Variants in MAGI1 observed in about 807,000 individuals in gnomAD.
MAGI1 encodes the protein membrane-associated guanylate kinase, WW and PDZ domain-containing protein 1.
A neutral mutation model predicts 139.9 loss-of-function variants in MAGI1; 58 were observed. The observed-to-expected ratio is 0.41, with a 90% CI of 0.34 to 0.52. The LOEUF is 0.52. Among genes scored for constraint, MAGI1 ranks in the 20% least tolerant of loss-of-function variants. The pLI, the probability that MAGI1 is intolerant of heterozygous loss-of-function variation, is 0.12. For missense variants in MAGI1, 1,874 were observed against 1,901.6 expected (o/e 0.99, Z 0.27); for synonymous variants, 812 against 737.9 (o/e 1.10, Z -1.63).
intron 1 of MAGI1, among the ~76,000 whole-genome samples, chr3:65,755,449 A>G (rs2107844250): frequency 6.6e-6 from 1 of 152,212 alleles, no homozygotes; most frequent in South Asian, 2.1e-4. Flanking sequence ...AGCATGTGAA[A>G]GTGTATCTGA....
chr3:66,025,984 G>A (rs773118797), intron 1 of MAGI1, among the ~76,000 whole-genome samples: 9 of 151,288 alleles, frequency 5.9e-5, no homozygotes, highest in Non-Finnish European at 1.0e-4. Context: ...AGATGCCTAC[G>A]CTTTTTATAA....
At chr3:65,426,947 G>A (rs901810340) in intron 12 of MAGI1, among the ~76,000 whole-genome samples, 1 of 152,174 alleles carries the variant, frequency 6.6e-6, no homozygotes, top group African/African-American at 2.4e-5. Flanking sequence ...TCATATAAAT[G>A]TTATAAAATG....
chr3:65,958,130 C>T (rs2064228806), intron 1 of MAGI1, among the ~76,000 whole-genome samples: 1 of 152,128 alleles, frequency 6.6e-6, no homozygotes, highest in African/African-American at 2.4e-5. Flanking sequence ...GATTTATGCC[C>T]TTCTCAATCA....
intron 1 of MAGI1, among the ~76,000 whole-genome samples, chr3:65,963,877 G>A (rs1465794624): frequency 6.6e-6 from 1 of 152,100 alleles, no homozygotes; most frequent in East Asian, 1.9e-4. Flanking sequence ...GATATCTGTG[G>A]ACTGAAGGTC....
intron 17 of MAGI1, among the ~76,000 whole-genome samples, chr3:65,377,165 A>G (rs889931111): frequency 3.9e-5 from 6 of 152,194 alleles, no homozygotes; most frequent in African/African-American, 1.4e-4. Context: ...ATGCACTTTA[A>G]TTCCTTTGAA....
chr3:65,451,947 G>C (rs189736775), intron 6 of MAGI1, among the ~76,000 whole-genome samples: 24 of 152,236 alleles, frequency 1.6e-4, no homozygotes, highest in African/African-American at 5.5e-4. Flanking sequence ...ACCATGCCTG[G>C]CCAGTTTTGG....
intron 1 of MAGI1, among the ~76,000 whole-genome samples, chr3:65,639,275 T>G (rs2084835149): frequency 6.6e-6 from 1 of 152,256 alleles, no homozygotes; most frequent in African/African-American, 2.4e-5. Context: ...ACCAATTCAT[T>G]TTCTTAATGA....
chr3:65,430,921 G>A, intron 10 of MAGI1, 40 bp from the exon 11 acceptor site: 1 of 1,573,718 alleles, frequency 6.4e-7, no homozygotes, highest in Non-Finnish European at 8.7e-7. Context: ...TGTCACCACT[G>A]GTGAAAAGGA....
chr3:65,390,021 A>G (rs1170013285), intron 14 of MAGI1, among the ~76,000 whole-genome samples: 1 of 152,044 alleles, frequency 6.6e-6, no homozygotes, highest in Non-Finnish European at 1.5e-5. Flanking sequence ...TCACTGCCCC[A>G]TTTTGCTTGG....
rs527866730 is a variant in MAGI1 at position 66,016,846 on chromosome 3, G to A, written c.313+21150C>T. The stretch of plus-strand genomic sequence containing the variant: ...GAAGGAAATTCTGACACGCTGCAGC[G>A]TGGATGAATCTTGAGGACATTACAC... On this transcript the variant is annotated intron_variant, in intron 1 of 22. Coordinates refer to ENST00000402939, the MANE Select transcript of MAGI1 (RefSeq NM_001033057.2). Among the ~76,000 whole-genome samples the A allele has an allele frequency of 9.2e-5, 14 of 152,358 alleles. No homozygotes were observed. The East Asian group carries it at 1.2e-3, about 13-fold the overall frequency.
At chr3:65,571,938 C>A (rs745822366) in intron 2 of MAGI1, among the ~76,000 whole-genome samples, 1 of 151,966 alleles carries the variant, frequency 6.6e-6, no homozygotes, top group Non-Finnish European at 1.5e-5. Flanking sequence ...ATATACCCAA[C>A]CTCATAACAG....
chr3:65,649,277 G>A (rs2085448006), intron 1 of MAGI1, among the ~76,000 whole-genome samples: 1 of 152,124 alleles, frequency 6.6e-6, no homozygotes, highest in African/African-American at 2.4e-5. Context: ...TGCTTCTTGG[G>A]AGGCTGAGGC....
intron 12 of MAGI1, among the ~76,000 whole-genome samples, chr3:65,419,621 T>C (rs1440692657): frequency 6.6e-6 from 1 of 152,160 alleles, no homozygotes; most frequent in Non-Finnish European, 1.5e-5. Context: ...AATTAACAAG[T>C]GTGAGAAGAA....
At chr3:65,672,141 G>C (rs1412145536) in intron 1 of MAGI1, among the ~76,000 whole-genome samples, 1 of 152,076 alleles carries the variant, frequency 6.6e-6, no homozygotes, top group African/African-American at 2.4e-5. Flanking sequence ...TAGAAACCTT[G>C]ACTCCAAATG....
intron 1 of MAGI1, among the ~76,000 whole-genome samples, chr3:65,963,572 C>T (rs1445907607): frequency 5.3e-5 from 8 of 152,136 alleles, no homozygotes; most frequent in Admixed American, 3.9e-4. Flanking sequence ...GCCAAGATCG[C>T]GCCACTGTAC....
chr3:65,790,058 A>G (rs2039656651), intron 1 of MAGI1, among the ~76,000 whole-genome samples: 1 of 152,230 alleles, frequency 6.6e-6, no homozygotes, highest in Non-Finnish European at 1.5e-5. Flanking sequence ...AGACCTAACT[A>G]AAGATGTCTA....
At chr3:66,010,057 C>A (rs1325593362) in intron 1 of MAGI1, among the ~76,000 whole-genome samples, 1 of 86,874 alleles carries the variant, frequency 1.2e-5, no homozygotes, top group Admixed American at 2.0e-4. Flanking sequence ...GCCTGGGTGA[C>A]AAAGTGATAC....
chr3:66,025,897 C>G (rs772064301), intron 1 of MAGI1, among the ~76,000 whole-genome samples: 3 of 151,732 alleles, frequency 2.0e-5, no homozygotes, highest in Admixed American at 6.6e-5. Flanking sequence ...AATCACAGAC[C>G]AATTTTAGAT....
At chr3:65,551,336 G>A (rs943307406) in intron 2 of MAGI1, among the ~76,000 whole-genome samples, 4 of 151,964 alleles carry the variant, frequency 2.6e-5, no homozygotes, top group African/African-American at 4.8e-5. Flanking sequence ...AGTCTCACAC[G>A]GTCACCCAGG....
Sources: allele counts gnomAD v4.1 joint callset (sites outside exome capture counted in the v4.1 genomes callset), GRCh38; gene constraint gnomAD v4.1.1; transcripts MANE v1.5; gene names NCBI Gene and HGNC (gene_info 2026-07-23, HGNC 2026-07-21).